FBRSL1: variants seen among roughly 807,000 people sequenced by gnomAD.
FBRSL1 encodes fibrosin-1-like protein.
Under a neutral mutation model 89.6 loss-of-function variants are expected in FBRSL1, and 51 were observed. The ratio of observed to expected loss-of-function variants is 0.57; its 90% CI spans 0.45 to 0.72. FBRSL1 has a LOEUF of 0.72. Ranked by LOEUF, FBRSL1 falls within the 30% of genes least tolerant of loss-of-function variation. FBRSL1 has a pLI of 0.00. For synonymous variants in FBRSL1, 779 were observed against 681.1 expected (o/e 1.14, Z -2.24); for missense variants, 1,618 against 1,451.8 (o/e 1.11, Z -1.86).
chr12:132,572,164 G>A (rs1345343477), intron 9 of FBRSL1, 124 bp from the exon 10 acceptor site: 2 of 834,674 alleles, frequency 2.4e-6, no homozygotes, highest in Non-Finnish European at 3.7e-6. Context: ...GCTGGCCGAA[G>A]CCGCCAGCCT....
chr12:132,558,923 C>G lies in FBRSL1; in HGVS notation c.646-8558C>G, dbSNP rs909010638. Among the ~76,000 whole-genome samples the G allele has an allele frequency of 6.6e-5, 10 of 152,380 alleles. No individual in the cohort carries two copies. The East Asian group carries it at 1.7e-3, about 26-fold the overall frequency. ...GCCACGCAGCAGCTTGGAGAGGACC[C>G]GTCCTTAAACACTTCCCGACTGCCG... On this transcript the variant is annotated intron_variant, in intron 5 of 18. Transcript: ENST00000680143.
At chr12:132,547,256 C>T (rs922278730) in intron 4 of FBRSL1, among the ~76,000 whole-genome samples, 30 of 147,436 alleles carry the variant, frequency 2.0e-4, no homozygotes, top group Non-Finnish European at 1.5e-4. Flanking sequence ...AAACGGAGAA[C>T]GGACAGTCAG....
At chr12:132,559,133 A>G (rs949449461) in intron 5 of FBRSL1, among the ~76,000 whole-genome samples, 1 of 152,164 alleles carries the variant, frequency 6.6e-6, no homozygotes, top group Non-Finnish European at 1.5e-5. Context: ...CTAGCGCCCC[A>G]CCGTAAGGGA....
intron 4 of FBRSL1, among the ~76,000 whole-genome samples, chr12:132,542,430 G>T (rs1266347111): frequency 6.6e-6 from 1 of 152,230 alleles, no homozygotes; most frequent in Non-Finnish European, 1.5e-5. Flanking sequence ...GTTGGTGCAG[G>T]CGCCCGTGTT....
At chr12:132,531,557 G>A (rs1386247129) in intron 4 of FBRSL1, among the ~76,000 whole-genome samples, 1 of 152,042 alleles carries the variant, frequency 6.6e-6, no homozygotes, top group African/African-American at 2.4e-5. Flanking sequence ...GTGCGTGTGT[G>A]TGTGTGTGTG....
intron 1 of FBRSL1, among the ~76,000 whole-genome samples, chr12:132,495,915 T>G (rs922657149): frequency 6.6e-6 from 1 of 152,218 alleles, no homozygotes; most frequent in Non-Finnish European, 1.5e-5. Flanking sequence ...TGCCTGTGCT[T>G]CTGCCCCTCA....
intron 4 of FBRSL1, among the ~76,000 whole-genome samples, chr12:132,535,219 C>T (rs529229303): frequency 2.0e-5 from 3 of 152,240 alleles, no homozygotes; most frequent in Non-Finnish European, 4.4e-5. Flanking sequence ...CCTGACAACA[C>T]GAGAATATAT....
intron 5 of FBRSL1, chr12:132,566,362 A>G (rs1025839398): frequency 1.3e-5 from 2 of 151,092 alleles, no homozygotes; most frequent in Non-Finnish European, 2.9e-5. Flanking sequence ...TGAATTCTTG[A>G]TAGACAGAAA....
At chr12:132,524,085 G>A (rs1289864328) in intron 2 of FBRSL1, among the ~76,000 whole-genome samples, 16 of 152,220 alleles carry the variant, frequency 1.1e-4, no homozygotes, top group Admixed American at 1.0e-3. Flanking sequence ...TCATTGCACC[G>A]AGGGGCCCTG....
In FBRSL1 at chr12:132,508,241, C is replaced by T; in HGVS notation, c.380C>T (p.Pro127Leu). Residue 127 changes from proline to leucine, a missense_variant, in exon 2 of 19, where the codon CCT becomes CTT. Coordinates refer to ENST00000680143, the MANE Select transcript of FBRSL1 (RefSeq NM_001367871.1). ...CCCCGGGAGTCGGAAACCTGCCCCC[C>T]TGCGGAGCCCAGTGAGAACAGGCGG... ...KKPRESETCPPAEPSENRRPL... is the reference protein window; with the variant it reads ...KKPRESETCPLAEPSENRRPL... 3 of 1,550,996 alleles carry T rather than the reference C, an allele frequency of 1.9e-6. No homozygotes were observed. The highest frequency in any genetic ancestry group is 1.2e-5 in the South Asian group (1 of 84,066).
chr12:132,569,052 G>A (rs908774830), intron 6 of FBRSL1, among the ~76,000 whole-genome samples: 11 of 152,264 alleles, frequency 7.2e-5, no homozygotes, highest in South Asian at 4.1e-4. Flanking sequence ...CACGTGGAAC[G>A]TTGTTTTGTT....
At chr12:132,494,879 T>G (rs1365733269) in intron 1 of FBRSL1, among the ~76,000 whole-genome samples, 1 of 152,204 alleles carries the variant, frequency 6.6e-6, no homozygotes, top group Non-Finnish European at 1.5e-5. Flanking sequence ...TTCCACATTC[T>G]CTGCTCAGCA....
In FBRSL1 at chr12:132,508,307, C is replaced by T. The variant is rs2033928427; in HGVS notation, c.446C>T (p.Ala149Val). ...AGCCCCGGGCAGGACCTCGAACCCG[C>T]CTGCGATGGGGCGAGAAAGGTCCCA... Reference protein sequence around the residue: ...AGSPGQDLEPACDGARKVPLQ... With the variant: ...AGSPGQDLEPVCDGARKVPLQ... The change falls in exon 2 of 19, where the codon GCC becomes GTC. Residue 149 changes from alanine to valine, a missense_variant. Physicochemically the swap from Ala to Val is moderately conservative, Grantham distance 64. Transcript: ENST00000680143. 2 of 1,548,048 alleles carry T rather than the reference C, an allele frequency of 1.3e-6. No homozygotes were observed.
At chr12:132,525,326 G>A (rs944455596) in intron 2 of FBRSL1, among the ~76,000 whole-genome samples, 3 of 152,188 alleles carry the variant, frequency 2.0e-5, no homozygotes, top group Admixed American at 1.3e-4. Flanking sequence ...AACCAGCCAG[G>A]GTGTGGGTGG....
At chr12:132,582,854 G>A in intron 18 of FBRSL1, 117 bp from the exon 19 acceptor site, 1 of 797,842 alleles carries the variant, frequency 1.3e-6, no homozygotes, top group Non-Finnish European at 1.8e-6. Context: ...TGGGTGCTGA[G>A]GGGTCACCGG....
intron 4 of FBRSL1, among the ~76,000 whole-genome samples, chr12:132,536,908 T>C (rs943694857): frequency 2.6e-5 from 4 of 152,234 alleles, no homozygotes; most frequent in Admixed American, 1.3e-4. Context: ...TACGTAACGG[T>C]GTCTTTGCAT....
intron 5 of FBRSL1, chr12:132,554,432 A>G (rs1026205647): frequency 5.3e-5 from 8 of 152,264 alleles, no homozygotes; most frequent in Non-Finnish European, 8.8e-5. Flanking sequence ...TGTCACAGAA[A>G]GGATGTTTCA....
chr12:132,503,805 G>A (rs902948507), intron 1 of FBRSL1, among the ~76,000 whole-genome samples: 3 of 152,222 alleles, frequency 2.0e-5, no homozygotes, highest in Non-Finnish European at 4.4e-5. Flanking sequence ...CAGAGGCTCT[G>A]GGCTTTGGGC....
chr12:132,532,644 G>T (rs917548115), intron 4 of FBRSL1, among the ~76,000 whole-genome samples: 2 of 149,238 alleles, frequency 1.3e-5, no homozygotes, highest in Non-Finnish European at 3.0e-5. Context: ...TGCACACAGG[G>T]AGAAAGATGG....
Sources: allele counts gnomAD v4.1 joint callset (sites outside exome capture counted in the v4.1 genomes callset), GRCh38; gene constraint gnomAD v4.1.1; transcripts MANE v1.5; gene names NCBI Gene and HGNC (gene_info 2026-07-23, HGNC 2026-07-21).